KCNH8: variants seen among roughly 807,000 people sequenced by gnomAD.
KCNH8 encodes the protein potassium voltage-gated channel subfamily H member 8.
A neutral mutation model predicts 103.6 loss-of-function variants in KCNH8; 70 were observed. The observed-to-expected ratio is 0.68, with a 90% CI of 0.56 to 0.82. The LOEUF is 0.82. Among genes scored for constraint, KCNH8 ranks in the 40% least tolerant of loss-of-function variants. The pLI, the probability that KCNH8 is intolerant of heterozygous loss-of-function variation, is 0.00. For synonymous variants in KCNH8, 498 were observed against 489.4 expected (o/e 1.02, Z -0.23); for missense variants, 1,217 against 1,329.9 (o/e 0.92, Z 1.32).
intron 11 of KCNH8, among the ~76,000 whole-genome samples, chr3:19,487,852 G>A (rs1056315430): frequency 5.3e-5 from 8 of 152,154 alleles, no homozygotes; most frequent in Admixed American, 4.6e-4. Flanking sequence ...ACAAGAACTG[G>A]TGAACTATTT....
intron 1 of KCNH8, among the ~76,000 whole-genome samples, chr3:19,248,807 T>C (rs2064239747): frequency 6.6e-6 from 1 of 152,168 alleles, no homozygotes; most frequent in Non-Finnish European, 1.5e-5. Flanking sequence ...CCTACCCGCA[T>C]TCTCTTTGGG....
chr3:19,459,486 G>A (rs894859366), intron 11 of KCNH8, among the ~76,000 whole-genome samples: 2 of 151,814 alleles, frequency 1.3e-5, no homozygotes, highest in Non-Finnish European at 2.9e-5. Context: ...TTGAGTTTAT[G>A]TATTTTGCAT....
At chr3:19,354,944 A>C (rs1009898043) in intron 5 of KCNH8, among the ~76,000 whole-genome samples, 1 of 152,218 alleles carries the variant, frequency 6.6e-6, no homozygotes, top group Non-Finnish European at 1.5e-5. Context: ...GTGAATAGGC[A>C]ACCTACAGAA....
chr3:19,403,361 AATATATATAT>A lies in KCNH8; in HGVS notation c.1177+8080_1177+8089del, dbSNP rs57523893. On this transcript the variant is annotated intron_variant, in intron 7 of 15. Transcript: ENST00000328405. ...CCCCCCATGAAATACATATGTAAAGAATATATATATATATATATATATATATATATATATA... is the reference window on the plus strand; with the variant it reads ...CCCCCCATGAAATACATATGTAAAGAATATATATATATATATATATATATA... Among the ~76,000 whole-genome samples the A allele has an allele frequency of 4.9e-3, 609 of 124,618 alleles. 8 individuals are homozygous for A. Among genetic ancestry groups the A allele is most frequent in the African/African-American group, 0.015 (562 of 36,642 alleles). 81.8% of individuals were successfully genotyped at this position (124,618 alleles called of 152,430 possible).
chr3:19,167,406 G>T (rs1826605), intron 1 of KCNH8, among the ~76,000 whole-genome samples: 1,893 of 152,272 alleles, frequency 0.012, 45 homozygotes, highest in African/African-American at 0.043. Context: ...CCATTTAAAT[G>T]TGAATCATTT....
intron 1 of KCNH8, among the ~76,000 whole-genome samples, chr3:19,226,962 G>A (rs80028420): frequency 0.096 from 14,670 of 152,202 alleles, 2,338 homozygotes; most frequent in African/African-American, 0.33. Context: ...AAGACTTAGG[G>A]TCTATTTTTG....
intron 7 of KCNH8, among the ~76,000 whole-genome samples, chr3:19,435,537 T>A (rs1388848751): frequency 6.6e-6 from 1 of 152,176 alleles, no homozygotes; most frequent in Non-Finnish European, 1.5e-5. Context: ...AAGGAAGCCC[T>A]CACATGGGCT....
chr3:19,216,183 AC>A (rs1170809360), intron 1 of KCNH8, among the ~76,000 whole-genome samples: 1 of 152,096 alleles, frequency 6.6e-6, no homozygotes, highest in African/African-American at 2.4e-5. Flanking sequence ...ATTAAATTTT[AC>A]CCTTTCCCCT....
chr3:19,280,001 G>T (rs1016752885), intron 2 of KCNH8, among the ~76,000 whole-genome samples: 2 of 151,984 alleles, frequency 1.3e-5, no homozygotes, highest in African/African-American at 4.8e-5. Flanking sequence ...AAAAGAAAAT[G>T]AAGGAAAATT....
chr3:19,262,500 C>T (rs752294246), intron 2 of KCNH8, among the ~76,000 whole-genome samples: 8 of 151,852 alleles, frequency 5.3e-5, no homozygotes, highest in Non-Finnish European at 1.0e-4. Flanking sequence ...CAGAGTATTC[C>T]CAAAATAACA....
At position 19,340,599 on chromosome 3, in the gene KCNH8, G is replaced by C. The variant is rs1358397764; in HGVS notation, c.443-1988G>C. 3.3e-5 allele frequency among the ~76,000 whole-genome samples: 5 copies of C among 152,016 alleles called. No homozygotes were observed. In the East Asian group the frequency reaches 7.7e-4, roughly 23 times the overall value. ...TTCTTGAACAGTAGCCTTTTAGAAA[G>C]AAAATAATATAGCTAGATCCTTACT... On this transcript the variant is annotated intron_variant, in intron 3 of 15. Transcript: ENST00000328405.
chr3:19,204,514 T>C (rs995347150), intron 1 of KCNH8, among the ~76,000 whole-genome samples: 1 of 152,058 alleles, frequency 6.6e-6, no homozygotes. Flanking sequence ...TTATCAATTT[T>C]TCTTTCCTTC....
intron 3 of KCNH8, among the ~76,000 whole-genome samples, chr3:19,324,824 GAA>G (rs140945693): frequency 6.7e-6 from 1 of 149,152 alleles, no homozygotes; most frequent in African/African-American, 2.5e-5. Context: ...CACAGAACTA[GAA>G]AAAAAAAATG....
intron 1 of KCNH8, among the ~76,000 whole-genome samples, chr3:19,166,264 T>C (rs1181163574): frequency 6.6e-6 from 1 of 152,206 alleles, no homozygotes; most frequent in African/African-American, 2.4e-5. Context: ...TTTCCTCACA[T>C]ACACATGCAG....
intron 5 of KCNH8, among the ~76,000 whole-genome samples, chr3:19,382,773 C>A (rs1377447097): frequency 6.6e-6 from 1 of 152,048 alleles, no homozygotes; most frequent in Non-Finnish European, 1.5e-5. Flanking sequence ...TATGGCTTTA[C>A]AAAAACACCT....
At chr3:19,398,476 G>A (rs1368193901) in intron 7 of KCNH8, among the ~76,000 whole-genome samples, 1 of 151,948 alleles carries the variant, frequency 6.6e-6, no homozygotes, top group African/African-American at 2.4e-5. Context: ...GAATGGAGGT[G>A]TGGTAGAAAG....
intron 11 of KCNH8, among the ~76,000 whole-genome samples, chr3:19,475,128 T>C (rs945737994): frequency 1.3e-5 from 2 of 152,162 alleles, no homozygotes; most frequent in Non-Finnish European, 2.9e-5. Context: ...AGGGCCAGAA[T>C]TGCACAAATT....
intron 3 of KCNH8, among the ~76,000 whole-genome samples, chr3:19,329,763 G>A (rs1012655087): frequency 5.9e-5 from 9 of 152,102 alleles, no homozygotes; most frequent in Non-Finnish European, 8.8e-5. Flanking sequence ...AAGAAATTCC[G>A]ATTTGAAATG....
chr3:19,321,220 C>G (rs997590003), intron 3 of KCNH8, among the ~76,000 whole-genome samples: 1 of 151,576 alleles, frequency 6.6e-6, no homozygotes, highest in Non-Finnish European at 1.5e-5. Context: ...TTTTCTTCTG[C>G]TGGGTTTGGG....
Sources: allele counts gnomAD v4.1 joint callset (sites outside exome capture counted in the v4.1 genomes callset), GRCh38; gene constraint gnomAD v4.1.1; transcripts MANE v1.5; gene names NCBI Gene and HGNC (gene_info 2026-07-23, HGNC 2026-07-21).